The following YPEL1 variants were observed in gnomAD, a reference collection of about 807,000 sequenced individuals.
The protein encoded by YPEL1 is protein yippee-like 1.
Under a neutral mutation model 17.3 loss-of-function variants are expected in YPEL1, and 7 were observed. That is an observed-to-expected ratio of 0.40 (90% CI 0.23 to 0.76). The LOEUF (loss-of-function observed/expected upper bound fraction) is 0.76, where lower values mean the gene tolerates loss of function less well. YPEL1 is among the 30% of genes least tolerant of loss of function. The pLI, the probability that YPEL1 is intolerant of heterozygous loss-of-function variation, is 0.35. For synonymous variants in YPEL1, 59 were observed against 59.6 expected (o/e 0.99, Z 0.05); for missense variants, 91 against 155.5 (o/e 0.59, Z 2.21).
intron 2 of YPEL1, among the ~76,000 whole-genome samples, chr22:21,707,286 GCA>G (rs1484941519): frequency 6.6e-6 from 1 of 152,024 alleles, no homozygotes; most frequent in Non-Finnish European, 1.5e-5. Context: ...GTGTGGTGGC[GCA>G]CACCTGTAGT....
chr22:21,721,675 TG>T (rs1482164744), intron 1 of YPEL1, among the ~76,000 whole-genome samples: 3 of 152,200 alleles, frequency 2.0e-5, no homozygotes, highest in Non-Finnish European at 4.4e-5. Flanking sequence ...CCACCTGCTT[TG>T]GCCTTCCAAA....
chr22:21,718,507 T>C (rs2068250356), intron 1 of YPEL1, among the ~76,000 whole-genome samples: 1 of 151,342 alleles, frequency 6.6e-6, no homozygotes, highest in Non-Finnish European at 1.5e-5. Flanking sequence ...GAAAAAAGAC[T>C]GGCATAAGAT....
chr22:21,708,696 C>T (rs570400458), intron 2 of YPEL1, among the ~76,000 whole-genome samples: 5 of 127,660 alleles, frequency 3.9e-5, no homozygotes, highest in Admixed American at 1.7e-4. Context: ...GACAGAGTTT[C>T]GCTCTTGTTG....
chr22:21,710,000 A>G (rs1002618254), intron 2 of YPEL1, among the ~76,000 whole-genome samples: 6 of 152,182 alleles, frequency 3.9e-5, no homozygotes, highest in Admixed American at 3.9e-4. Context: ...CCGACTGAGC[A>G]TCAGCTCCTC....
intron 1 of YPEL1, among the ~76,000 whole-genome samples, chr22:21,726,885 A>T (rs1172920765): frequency 1.3e-5 from 2 of 152,178 alleles, no homozygotes. Flanking sequence ...AGTGGGATGC[A>T]GAGGACGCTA....
chr22:21,703,088 G>A lies in YPEL1; in HGVS notation c.270+282C>T, dbSNP rs1272244468. On this transcript the variant is annotated intron_variant, in intron 4 of 4. Coordinates refer to ENST00000339468, the MANE Select transcript of YPEL1 (RefSeq NM_013313.5). The surrounding 1 kb of genome is among the most constrained non-coding windows in gnomAD (Gnocchi z 6.1). Reference sequence around the variant, plus strand: ...ACCAGGCTCTGCTCAGCGGGCCGAGGGCGGGCTGGGTGCAGAGAGCCTGGC... The same window carrying A: ...ACCAGGCTCTGCTCAGCGGGCCGAGAGCGGGCTGGGTGCAGAGAGCCTGGC... 6.6e-6 allele frequency among the ~76,000 whole-genome samples: 1 copy of A among 152,102 alleles called. No individual in the cohort carries two copies. The highest frequency in any genetic ancestry group is 1.5e-5 in the Non-Finnish European group (1 of 68,008).
At chr22:21,713,920 C>G (rs1371013806) in intron 1 of YPEL1, among the ~76,000 whole-genome samples, 1 of 152,194 alleles carries the variant, frequency 6.6e-6, no homozygotes, top group East Asian at 1.9e-4. Context: ...TCAGGCACAC[C>G]GGATTTTCTT....
Position 21,701,126 on chromosome 22 carries a change from A to T in YPEL1, c.*3T>A. 6.2e-7 allele frequency: 1 copy of T among 1,612,730 alleles called. No homozygotes were observed. Among genetic ancestry groups the T allele is most frequent in the Non-Finnish European group, 8.5e-7 (1 of 1,178,832 alleles). ...ATTCAAAGGAGAAGGGAAAGTTCGC[A>T]CATTACTCCCAGCCATTGTCTTTGA... On this transcript the variant is annotated 3_prime_UTR_variant, in exon 5 of 5. Coordinates refer to ENST00000339468, the MANE Select transcript of YPEL1 (RefSeq NM_013313.5).
At chr22:21,721,720 G>A (rs886756146) in intron 1 of YPEL1, among the ~76,000 whole-genome samples, 9 of 152,162 alleles carry the variant, frequency 5.9e-5, no homozygotes, top group African/African-American at 1.9e-4. Context: ...CACTGTGCCC[G>A]GCCCAACATT....
intron 1 of YPEL1, among the ~76,000 whole-genome samples, chr22:21,714,436 G>A (rs747426441): frequency 1.8e-4 from 28 of 152,178 alleles, no homozygotes; most frequent in Non-Finnish European, 3.8e-4. Flanking sequence ...ACTTGACACC[G>A]ACGATGCTGT....
chr22:21,713,273 G>A lies in YPEL1; in HGVS notation c.-164-2365C>T, dbSNP rs115227355. On this transcript the variant is annotated intron_variant, in intron 1 of 4. Coordinates refer to ENST00000339468, the MANE Select transcript of YPEL1 (RefSeq NM_013313.5). Reference sequence around the variant, plus strand: ...ATTCCACTGCTGGGTATAAATCCACGAGAACTGAAAACAGGGTCTCAAAGC... The same window carrying A: ...ATTCCACTGCTGGGTATAAATCCACAAGAACTGAAAACAGGGTCTCAAAGC... Among the ~76,000 whole-genome samples, 1,039 of 152,230 alleles carry A rather than the reference G, an allele frequency of 6.8e-3. 12 individuals carry two copies. Among genetic ancestry groups the A allele is most frequent in the African/African-American group, 0.024 (1,001 of 41,518 alleles).
chr22:21,720,105 G>A (rs1211362303), intron 1 of YPEL1, among the ~76,000 whole-genome samples: 1 of 150,772 alleles, frequency 6.6e-6, no homozygotes, highest in Non-Finnish European at 1.5e-5. Flanking sequence ...TTGAACCTGG[G>A]AGGCAGAGGT....
intron 1 of YPEL1, among the ~76,000 whole-genome samples, chr22:21,732,857 TCGGGAGGCTGAGA>T (rs2068401522): frequency 6.6e-6 from 1 of 151,992 alleles, no homozygotes. Flanking sequence ...TCCCAACACA[TCGGGAGGCTGAGA>T]CTGGAGGATC....
rs777079901 is a variant in YPEL1 at position 21,703,827 on chromosome 22, C to T, written c.161+12G>A. On this transcript the variant is annotated intron_variant, in intron 3 of 4. Transcript: ENST00000339468. The surrounding 1 kb of genome is among the most constrained non-coding windows in gnomAD (Gnocchi z 6.1). ...CCGTGCCGCTCCCCCCGGGCTGAAC[C>T]AGGGTACTCACACGGAATTGAAGAG... 2 of 1,609,030 alleles carry T rather than the reference C, an allele frequency of 1.2e-6. No homozygotes were observed. Among genetic ancestry groups the T allele is most frequent in the South Asian group, 1.1e-5 (1 of 89,976 alleles).
In YPEL1 at chr22:21,732,019, G is replaced by A. The variant is rs575642340; in HGVS notation, c.-165+3596C>T. 5.9e-5 allele frequency among the ~76,000 whole-genome samples: 9 copies of A among 152,348 alleles called. No homozygotes were observed. In the East Asian group the frequency reaches 1.7e-3, roughly 29 times the overall value. On this transcript the variant is annotated intron_variant, in intron 1 of 4. Coordinates refer to ENST00000339468, the MANE Select transcript of YPEL1 (RefSeq NM_013313.5). ...GGCCCAAGGCCCTGCAGGTGCCAGA[G>A]GGCCTACTGAGCAATGGGGTGAATA...
At chr22:21,709,820 T>A (rs754653143) in intron 2 of YPEL1, among the ~76,000 whole-genome samples, 5 of 145,066 alleles carry the variant, frequency 3.4e-5, no homozygotes, top group African/African-American at 7.8e-5. Context: ...TAATGATCCG[T>A]GAGGATGGGT....
chr22:21,727,794 C>T (rs1447579475), intron 1 of YPEL1, among the ~76,000 whole-genome samples: 1 of 152,206 alleles, frequency 6.6e-6, no homozygotes, highest in Non-Finnish European at 1.5e-5. Context: ...GTGTAGAGGA[C>T]AGCCTGTTCC....
chr22:21,722,536 G>A (rs569302179), intron 1 of YPEL1, among the ~76,000 whole-genome samples: 8 of 151,782 alleles, frequency 5.3e-5, no homozygotes, highest in Non-Finnish European at 1.2e-4. Flanking sequence ...AGAATCACTC[G>A]AACCTGGGAG....
At chr22:21,732,087 G>C (rs769672658) in intron 1 of YPEL1, among the ~76,000 whole-genome samples, 19 of 152,202 alleles carry the variant, frequency 1.2e-4, no homozygotes, top group Non-Finnish European at 2.4e-4. Context: ...ACAGTGGTTG[G>C]CTCCAGGATT....
Sources: allele counts gnomAD v4.1 joint callset (sites outside exome capture counted in the v4.1 genomes callset), GRCh38; gene constraint gnomAD v4.1.1; non-coding constraint Gnocchi (gnomAD v3.1); transcripts MANE v1.5; gene names NCBI Gene and HGNC (gene_info 2026-07-23, HGNC 2026-07-21).